NPAS3: variants seen among roughly 807,000 people sequenced by gnomAD.
NPAS3 encodes the protein neuronal PAS domain-containing protein 3.
A neutral mutation model predicts 73.1 loss-of-function variants in NPAS3; 14 were observed. The observed-to-expected ratio is 0.19, with a 90% confidence interval of 0.13 to 0.30. The LOEUF is 0.30. Among genes scored for constraint, NPAS3 ranks in the 10% least tolerant of loss-of-function variants. NPAS3 has a pLI of 1.00. For synonymous variants in NPAS3, 620 were observed against 541.5 expected, an observed-to-expected ratio of 1.14 and a Z score of -2.01; for missense variants, 1,096 against 1,250.0, an observed-to-expected ratio of 0.88 and a Z score of 1.86.
At chr14:33,359,199 T>C (rs577606733) in intron 3 of NPAS3, among the ~76,000 whole-genome samples, 1 of 152,298 alleles carries the variant, frequency 6.6e-6, no homozygotes, top group East Asian at 1.9e-4. Context: ...AGACTTTGTA[T>C]TCTTTCTCCC....
At chr14:33,213,281 T>G (rs1025273244) in intron 2 of NPAS3, among the ~76,000 whole-genome samples, 20 of 152,168 alleles carry the variant, frequency 1.3e-4, no homozygotes, top group Admixed American at 5.2e-4. Context: ...GAGTAGTATT[T>G]AATTGCAAGA....
intron 5 of NPAS3, among the ~76,000 whole-genome samples, chr14:33,571,909 T>G (rs55977074): frequency 0.13 from 19,954 of 152,138 alleles, 1,516 homozygotes; most frequent in East Asian, 0.28. Context: ...AGGGGATATG[T>G]TTATAGGTCA....
chr14:33,528,851 G>A (rs532864269), intron 4 of NPAS3, among the ~76,000 whole-genome samples: 12 of 152,180 alleles, frequency 7.9e-5, no homozygotes, highest in South Asian at 4.2e-4. Context: ...AAGGAATAGC[G>A]GTCACGTGTC....
At chr14:33,183,259 C>G (rs1231032645) in intron 2 of NPAS3, among the ~76,000 whole-genome samples, 3 of 151,880 alleles carry the variant, frequency 2.0e-5, no homozygotes, top group Non-Finnish European at 2.9e-5. Context: ...AACCCCGTCT[C>G]TACGAAAAAT....
At chr14:33,077,869 C>T (rs1262548109) in intron 2 of NPAS3, among the ~76,000 whole-genome samples, 5 of 141,046 alleles carry the variant, frequency 3.5e-5, no homozygotes, top group African/African-American at 5.2e-5. Flanking sequence ...CATATATGAC[C>T]GGGTGCAGTG....
intron 1 of NPAS3, among the ~76,000 whole-genome samples, chr14:32,997,346 G>C (rs747274805): frequency 6.6e-6 from 1 of 152,152 alleles, no homozygotes; most frequent in Non-Finnish European, 1.5e-5. Flanking sequence ...AATGAGTTGA[G>C]ACTTTGGGGG....
chr14:33,196,169 T>C (rs1459691581), intron 2 of NPAS3, among the ~76,000 whole-genome samples: 3 of 152,194 alleles, frequency 2.0e-5, no homozygotes, highest in Non-Finnish European at 1.5e-5. Flanking sequence ...TTTCTCATAT[T>C]TTTCCTTACA....
At chr14:32,960,621 A>G (rs1237251326) in intron 1 of NPAS3, among the ~76,000 whole-genome samples, 1 of 152,214 alleles carries the variant, frequency 6.6e-6, no homozygotes, top group Non-Finnish European at 1.5e-5. Flanking sequence ...TACTCTACCA[A>G]TTAGTCAAAT....
At chr14:33,490,022 T>G (rs752867457) in intron 4 of NPAS3, among the ~76,000 whole-genome samples, 8 of 152,130 alleles carry the variant, frequency 5.3e-5, no homozygotes, top group Non-Finnish European at 1.0e-4. Context: ...GGTGAGCTGT[T>G]TTGTTGCTTT....
intron 5 of NPAS3, among the ~76,000 whole-genome samples, chr14:33,670,113 A>T (rs1455341174): frequency 6.6e-6 from 1 of 152,188 alleles, no homozygotes; most frequent in African/African-American, 2.4e-5. Flanking sequence ...AGAAAAATGT[A>T]CGTACAACAA....
chr14:33,735,869 A>C lies in NPAS3; in HGVS notation c.852+537A>C, dbSNP rs147714634. 1.4e-3 allele frequency among the ~76,000 whole-genome samples: 212 copies of C among 152,280 alleles called. 3 individuals carry two copies. The East Asian group carries it at 0.023, about 17-fold the overall frequency. On this transcript the variant is annotated intron_variant, in intron 7 of 11. Transcript: ENST00000356141. ...AGTCACACCTTAGCATTCATAGAAT[A>C]CTCGATATACGTAAGTTCCTCACAA... is the stretch of plus-strand genomic sequence containing the variant.
intron 5 of NPAS3, among the ~76,000 whole-genome samples, chr14:33,596,626 T>G (rs144275943): frequency 0.013 from 1,947 of 152,350 alleles, 12 homozygotes; most frequent in Middle Eastern, 0.024. Context: ...ACTAGACTTA[T>G]TCTGTTCAAT....
chr14:33,301,306 T>TTTTATATA (rs1555370609), intron 3 of NPAS3, among the ~76,000 whole-genome samples: 10 of 81,146 alleles, frequency 1.2e-4, no homozygotes, highest in South Asian at 1.0e-3. Context: ...GGTTTTATCA[T>TTTTATATA]TATATATATA....
At chr14:33,581,894 C>T (rs1241603831) in intron 5 of NPAS3, among the ~76,000 whole-genome samples, 1 of 152,178 alleles carries the variant, frequency 6.6e-6, no homozygotes, top group African/African-American at 2.4e-5. Context: ...AGTATTAATA[C>T]ATACACTTAC....
intron 3 of NPAS3, among the ~76,000 whole-genome samples, chr14:33,340,865 T>G (rs1004405762): frequency 6.6e-6 from 1 of 152,212 alleles, no homozygotes; most frequent in Non-Finnish European, 1.5e-5. Flanking sequence ...ACAGTTTTAT[T>G]CTTGTGATCT....
At chr14:33,141,264 T>C (rs2044033459) in intron 2 of NPAS3, among the ~76,000 whole-genome samples, 1 of 152,230 alleles carries the variant, frequency 6.6e-6, no homozygotes. Context: ...CTGGGCTTTA[T>C]AGCTTTCACT....
chr14:32,981,050 G>A (rs912923469), intron 1 of NPAS3, among the ~76,000 whole-genome samples: 14 of 152,020 alleles, frequency 9.2e-5, no homozygotes, highest in Non-Finnish European at 1.5e-4. Context: ...AGAAGAACTC[G>A]GAAATGCCTG....
rs1382884211 is a variant in NPAS3 at position 33,480,492 on chromosome 14, CGTCT to C, written c.469-79624_469-79621del. On this transcript the variant is annotated intron_variant, in intron 4 of 11. Coordinates refer to ENST00000356141, the Ensembl canonical transcript of NPAS3. Reference sequence around the variant, plus strand: ...CAAGGCAGTGAATTCATATTCTCTCCGTCTGTCTCTCTCTCTCCCTCTCCCCCAC... The same window carrying C: ...CAAGGCAGTGAATTCATATTCTCTCCGTCTCTCTCTCTCCCTCTCCCCCAC... Among the ~76,000 whole-genome samples the C allele has an allele frequency of 6.5e-4, 98 of 150,692 alleles. 1 individual carries two copies. Among genetic ancestry groups the C allele is most frequent in the East Asian group, 5.9e-4 (3 of 5,062 alleles).
chr14:33,279,065 T>C (rs2041469148), intron 3 of NPAS3, among the ~76,000 whole-genome samples: 1 of 152,166 alleles, frequency 6.6e-6, no homozygotes, highest in South Asian at 2.1e-4. Context: ...TTAATCAGAA[T>C]CACCTGGAGA....
Sources: gnomAD v4.1 joint callset for allele counts (sites outside exome capture counted in the v4.1 genomes callset) on GRCh38, gnomAD v4.1.1 for gene constraint, MANE v1.5 for transcripts, NCBI Gene and HGNC (gene_info 2026-07-23, HGNC 2026-07-21) for gene names.